The following TFCP2L1 variants were observed in gnomAD, a reference collection of about 807,000 sequenced individuals.
TFCP2L1 encodes transcription factor CP2-like protein 1.
A neutral mutation model predicts 72.2 loss-of-function variants in TFCP2L1; 12 were observed. The ratio of observed to expected loss-of-function variants is 0.17; its 90% CI spans 0.11 to 0.27. The LOEUF (loss-of-function observed/expected upper bound fraction) is 0.27, where lower values mean the gene tolerates loss of function less well. Ranked by LOEUF, TFCP2L1 falls within the 10% of genes least tolerant of loss-of-function variation. The probability of loss-of-function intolerance (pLI) is 1.00; values close to 1 mark genes in which losing one functional copy is unlikely to be tolerated. For missense variants in TFCP2L1, 488 were observed against 624.6 expected (o/e 0.78, Z 2.33); for synonymous variants, 260 against 251.0 (o/e 1.04, Z -0.34).
chr2:121,228,456 TAAA>T (rs35366541), intron 13 of TFCP2L1, among the ~76,000 whole-genome samples: 2,887 of 144,910 alleles, frequency 0.02, 110 homozygotes, highest in African/African-American at 0.069. Flanking sequence ...AAATAGGAGT[TAAA>T]AAAAAAAAAA....
At chr2:121,228,046 C>G (rs1349771586) in intron 13 of TFCP2L1, among the ~76,000 whole-genome samples, 1 of 152,256 alleles carries the variant, frequency 6.6e-6, no homozygotes, top group Non-Finnish European at 1.5e-5. Context: ...GGGGCCGGCT[C>G]CGCGGCTGGC....
intron 8 of TFCP2L1, 66 bp downstream of exon 8, chr2:121,239,492 G>C (rs1686318301): frequency 6.4e-7 from 1 of 1,559,976 alleles, no homozygotes; most frequent in African/African-American, 1.4e-5. Flanking sequence ...CAGAAAGGAA[G>C]ACTAAGAAAG....
In TFCP2L1 at chr2:121,217,243, C is replaced by T. The variant is rs1488504100; in HGVS notation, c.*7098G>A. The T allele has an allele frequency of 2.0e-5, 3 of 152,286 alleles. No individual in the cohort carries two copies. The highest frequency in any genetic ancestry group is 2.9e-5 in the Non-Finnish European group (2 of 68,068). 9.4% of individuals were successfully genotyped at this position (152,286 alleles called of 1,614,324 possible). A position where few individuals can be genotyped will look rare whatever the true frequency, so the allele number is the denominator to read the frequency against. On this transcript the variant is annotated 3_prime_UTR_variant, in exon 15 of 15. Coordinates refer to ENST00000263707, the MANE Select transcript of TFCP2L1 (RefSeq NM_014553.3). ...GCCTCCCCATTGCTTTAGGGAGGAT[C>T]GAGTGAGAAGCTGACCAAATGCGCA...
intron 12 of TFCP2L1, among the ~76,000 whole-genome samples, chr2:121,232,237 C>T (rs1444938310): frequency 6.6e-6 from 1 of 152,154 alleles, no homozygotes; most frequent in African/African-American, 2.4e-5. Context: ...CTCCTAGATT[C>T]AAGTGATTCT....
intron 2 of TFCP2L1, among the ~76,000 whole-genome samples, chr2:121,267,203 C>A (rs565902589): frequency 6.6e-6 from 1 of 152,250 alleles, no homozygotes; most frequent in East Asian, 1.9e-4. Context: ...CAAGCATGAG[C>A]CACCGCACCT....
chr2:121,268,326 T>C (rs185681294), intron 2 of TFCP2L1, among the ~76,000 whole-genome samples: 2 of 152,170 alleles, frequency 1.3e-5, no homozygotes, highest in Non-Finnish European at 2.9e-5. Context: ...ACATTTTTTT[T>C]AAGTTTTGGC....
rs570416155 is a variant in TFCP2L1, at chr2:121,223,197, A to C, written c.*1144T>G. 1 of 152,322 alleles carries C rather than the reference A, an allele frequency of 6.6e-6. No individual in the cohort carries two copies. The highest frequency in any genetic ancestry group is 2.4e-5 in the African/African-American group (1 of 41,578). 9.4% of individuals were successfully genotyped at this position (152,322 alleles called of 1,614,324 possible). A position where few individuals can be genotyped will look rare whatever the true frequency, so the allele number is the denominator to read the frequency against. ...CCAAGAGCTGAAGCCCTGGGCCAGT[A>C]GAGATCACTGGATCCCAGGAACCAG... On this transcript the variant is annotated 3_prime_UTR_variant, in exon 15 of 15. Coordinates refer to ENST00000263707, the MANE Select transcript of TFCP2L1 (RefSeq NM_014553.3).
rs542217852 is a variant in TFCP2L1 at position 121,217,071 on chromosome 2, G to C, written c.*7270C>G. The C allele has an allele frequency of 3.3e-5, 5 of 152,392 alleles. No individual in the cohort carries two copies. The highest frequency in any genetic ancestry group is 1.3e-4 in the Admixed American group (2 of 15,300). The allele number at this position is 152,392 out of a possible 1,614,324, so 9.4% of individuals were successfully genotyped here. A position where few individuals can be genotyped will look rare whatever the true frequency, so the allele number is the denominator to read the frequency against. On this transcript the variant is annotated 3_prime_UTR_variant, in exon 15 of 15. Coordinates refer to ENST00000263707, the MANE Select transcript of TFCP2L1 (RefSeq NM_014553.3). ...AGCCAGCACTGTGACAAAAGAACTT[G>C]TCCCACCTATCTGAGAGCATGAGAT...
intron 2 of TFCP2L1, 77 bp downstream of exon 2, chr2:121,281,043 A>G: frequency 6.3e-7 from 1 of 1,592,290 alleles, no homozygotes; most frequent in Non-Finnish European, 8.5e-7. Context: ...ACAAAGTCAC[A>G]AGGCCCAAAT....
Position 121,242,484 on chromosome 2 carries a change from C to G in TFCP2L1, c.658-15G>C, listed in dbSNP as rs1686396480. 6.2e-7 allele frequency: 1 copy of G among 1,613,166 alleles called. No homozygotes were observed. Among genetic ancestry groups the G allele is most frequent in the Non-Finnish European group, 8.5e-7 (1 of 1,179,576 alleles). On this transcript the variant is annotated splice_polypyrimidine_tract_variant and intron_variant, in intron 6 of 14. Coordinates refer to ENST00000263707, the MANE Select transcript of TFCP2L1 (RefSeq NM_014553.3). ...GCTCCCTTCGGCTGCGAGCAGAGTA[C>G]AGAGTCCAATCAGCCCAAAACCAAC... is the stretch of plus-strand genomic sequence containing the variant.
At chr2:121,256,906 G>C (rs1686739492) in intron 2 of TFCP2L1, among the ~76,000 whole-genome samples, 1 of 152,086 alleles carries the variant, frequency 6.6e-6, no homozygotes, top group Non-Finnish European at 1.5e-5. Context: ...GGTTGTTGGA[G>C]GGTTGAAGGT....
chr2:121,232,667 G>A (rs1686168591), intron 12 of TFCP2L1, among the ~76,000 whole-genome samples: 1 of 152,202 alleles, frequency 6.6e-6, no homozygotes, highest in Admixed American at 6.5e-5. Context: ...AGGGCAATGA[G>A]TGAAAGTTAA....
At chr2:121,266,881 C>T (rs1253108262) in intron 2 of TFCP2L1, among the ~76,000 whole-genome samples, 1 of 129,778 alleles carries the variant, frequency 7.7e-6, no homozygotes, top group South Asian at 2.6e-4. Context: ...TTATTTTTTT[C>T]ATTATTTATT....
rs1476579207 is a variant in TFCP2L1, at chr2:121,218,601, C to G, written c.*5740G>C. On this transcript the variant is annotated 3_prime_UTR_variant, in exon 15 of 15. Coordinates refer to ENST00000263707, the MANE Select transcript of TFCP2L1 (RefSeq NM_014553.3). ...GCTGGGGGACATGGTTTGGTTTCCC[C>G]ATCGCCAGGCTGGCCAGCTGGGGCC... 1 of 152,372 alleles carries G rather than the reference C, an allele frequency of 6.6e-6. No individual in the cohort carries two copies. The highest frequency in any genetic ancestry group is 1.9e-4 in the East Asian group (1 of 5,194). The allele number at this position is 152,372 out of a possible 1,614,324, so 9.4% of individuals were successfully genotyped here. A position where few individuals can be genotyped will look rare whatever the true frequency, so the allele number is the denominator to read the frequency against.
At chr2:121,258,405 A>G (rs1004494098) in intron 2 of TFCP2L1, among the ~76,000 whole-genome samples, 7 of 152,270 alleles carry the variant, frequency 4.6e-5, no homozygotes, top group African/African-American at 1.7e-4. Flanking sequence ...TCAAAGCAGC[A>G]GTACTGCTAC....
intron 13 of TFCP2L1, among the ~76,000 whole-genome samples, chr2:121,230,762 C>CACA (rs372793956): frequency 7.2e-4 from 109 of 151,920 alleles, no homozygotes; most frequent in African/African-American, 2.6e-3. Context: ...GATCTTGTCT[C>CACA]ACAACAACAA....
chr2:121,249,557 C>G lies in TFCP2L1; in HGVS notation c.291+14G>C, dbSNP rs373899068. ...CCTCTCCCCGAGGCAATGAGAACAGCCTGTGAGGCTTACCTTGACATATTT... is the reference window on the plus strand; with the variant it reads ...CCTCTCCCCGAGGCAATGAGAACAGGCTGTGAGGCTTACCTTGACATATTT... On this transcript the variant is annotated intron_variant, in intron 3 of 14. Coordinates refer to ENST00000263707, the MANE Select transcript of TFCP2L1 (RefSeq NM_014553.3). The G allele has an allele frequency of 8.1e-6, 13 of 1,613,768 alleles. No homozygotes were observed. The East Asian group carries it at 1.3e-4, about 17-fold the overall frequency.
chr2:121,259,729 TTAAAATAAGTTATAC>T (rs1686797352), intron 2 of TFCP2L1, among the ~76,000 whole-genome samples: 1 of 152,228 alleles, frequency 6.6e-6, no homozygotes, highest in African/African-American at 2.4e-5. Flanking sequence ...CACTTTTGTT[TTAAAATAAGTTATAC>T]TCAAACCCAC....
chr2:121,229,543 G>C (rs561340981), intron 13 of TFCP2L1, among the ~76,000 whole-genome samples: 2 of 152,274 alleles, frequency 1.3e-5, no homozygotes, highest in East Asian at 3.9e-4. Flanking sequence ...ATGTCAACCT[G>C]TGAAATACAC....
Sources: allele counts gnomAD v4.1 joint callset (sites outside exome capture counted in the v4.1 genomes callset), GRCh38; gene constraint gnomAD v4.1.1; transcripts MANE v1.5; gene names NCBI Gene and HGNC (gene_info 2026-07-23, HGNC 2026-07-21).